Variants in KLRG1 observed in about 807,000 individuals in gnomAD.
KLRG1 encodes killer cell lectin like receptor G1, also known as killer cell lectin-like receptor subfamily G member 1.
KLRG1 carries 16 observed loss-of-function variants against 21.8 expected under a neutral mutation model. The ratio of observed to expected loss-of-function variants is 0.73; its 90% CI spans 0.50 to 1.11. The LOEUF is 1.11. Among genes scored for constraint, KLRG1 ranks in the 50% most tolerant of loss-of-function variants. KLRG1 has a pLI of 0.00. For missense variants in KLRG1, 173 were observed against 218.3 expected (o/e 0.79, Z 1.31); for synonymous variants, 69 against 75.9 (o/e 0.91, Z 0.47).
the KLRG1 span, among the ~76,000 whole-genome samples, chr12:9,071,723 C>T: frequency 1.3e-5 from 2 of 152,248 alleles, no homozygotes; most frequent in East Asian, 1.9e-4. Context: ...GCTAGTTTGC[C>T]AAGGATAATG....
chr12:9,019,521 G>A, the KLRG1 span, among the ~76,000 whole-genome samples: 1 of 152,198 alleles, frequency 6.6e-6, no homozygotes, highest in Non-Finnish European at 1.5e-5. Context: ...AGCAATCTAA[G>A]TGTCAATGAA....
chr12:9,069,922 A>T, the KLRG1 span: 2 of 909,960 alleles, frequency 2.2e-6, no homozygotes, highest in Non-Finnish European at 3.6e-6. Flanking sequence ...AGAATTCTTC[A>T]AATGCTTTTT....
the KLRG1 span, among the ~76,000 whole-genome samples, chr12:9,185,672 G>A: frequency 2.5e-4 from 35 of 142,280 alleles, no homozygotes; most frequent in Admixed American, 6.3e-4. Context: ...AAAAAAAAAT[G>A]TTAAAGGTAG....
chr12:8,965,891 G>C (rs769547024), intron 1 of KLRG1, among the ~76,000 whole-genome samples: 1 of 152,252 alleles, frequency 6.6e-6, no homozygotes, highest in Admixed American at 6.5e-5. Context: ...TCAATCCTAA[G>C]CCAAAAGAAC....
chr12:9,077,934 T>C, the KLRG1 span: 1 of 1,567,624 alleles, frequency 6.4e-7, no homozygotes, highest in African/African-American at 1.4e-5. Context: ...ACAGGCTTCA[T>C]ATGATGTGAG....
chr12:8,954,368 T>C (rs771084014), intron 1 of KLRG1, among the ~76,000 whole-genome samples: 2 of 152,066 alleles, frequency 1.3e-5, no homozygotes, highest in South Asian at 2.1e-4. Context: ...ATAGTTAATA[T>C]TGTATTGTAT....
At chr12:9,194,216 C>T in the KLRG1 span, 2 of 1,613,718 alleles carry the variant, frequency 1.2e-6, no homozygotes, top group African/African-American at 2.7e-5. Flanking sequence ...GATGGGCACA[C>T]CTTTTCCATC....
the KLRG1 span, chr12:9,203,718 T>C: frequency 1.3e-6 from 2 of 1,597,968 alleles, no homozygotes; most frequent in Admixed American, 1.7e-5. Context: ...CCTATAGAGC[T>C]CAATAAAATG....
At chr12:9,152,839 A>G in the KLRG1 span, 1 of 1,614,100 alleles carries the variant, frequency 6.2e-7, no homozygotes, top group Non-Finnish European at 8.5e-7. Context: ...GGTCAGTGAG[A>G]TCTGAAAGCT....
the KLRG1 span, among the ~76,000 whole-genome samples, chr12:9,121,540 G>T: frequency 6.6e-6 from 1 of 152,012 alleles, no homozygotes; most frequent in African/African-American, 2.4e-5. This position sits in a 1 kb window ranked among gnomAD's most constrained non-coding sequence, Gnocchi z 4.4. Context: ...CCTCTGTCTC[G>T]AAACAAACAA....
At chr12:8,975,170 G>C (rs1288419695) in intron 1 of KLRG1, among the ~76,000 whole-genome samples, 2 of 152,056 alleles carry the variant, frequency 1.3e-5, no homozygotes, top group African/African-American at 4.8e-5. Context: ...AAAGTGCTGG[G>C]ATTACAGGTA....
the KLRG1 span, among the ~76,000 whole-genome samples, chr12:9,093,040 G>C: frequency 6.6e-6 from 1 of 152,204 alleles, no homozygotes; most frequent in Admixed American, 6.5e-5. Context: ...GTATGTGGAT[G>C]CTAAAAGAAG....
the KLRG1 span, among the ~76,000 whole-genome samples, chr12:9,068,577 A>G: frequency 6.6e-6 from 1 of 152,206 alleles, no homozygotes; most frequent in Non-Finnish European, 1.5e-5. Flanking sequence ...TGTTTCTATA[A>G]TGTATGTATA....
the KLRG1 span, chr12:9,104,374 G>A: frequency 6.3e-7 from 1 of 1,597,062 alleles, no homozygotes; most frequent in Non-Finnish European, 8.5e-7. Context: ...TTGGTATAGG[G>A]ACGCCTTTCC....
At chr12:9,145,776 A>G in the KLRG1 span, among the ~76,000 whole-genome samples, 1 of 152,168 alleles carries the variant, frequency 6.6e-6, no homozygotes, top group Non-Finnish European at 1.5e-5. Flanking sequence ...GAAAGTCTTT[A>G]TTACTCCTCC....
At chr12:9,090,616 G>A in the KLRG1 span, 2 of 886,956 alleles carry the variant, frequency 2.3e-6, no homozygotes, top group East Asian at 2.7e-5. Flanking sequence ...TGAAGATCAA[G>A]TACCTGAAAT....
chr12:8,964,451 T>G (rs2137229743), intron 1 of KLRG1, among the ~76,000 whole-genome samples: 1 of 152,350 alleles, frequency 6.6e-6, no homozygotes, highest in Admixed American at 6.5e-5. Context: ...GTGCTTTACT[T>G]CCAACTATGT....
chr12:9,033,368 C>T, the KLRG1 span, among the ~76,000 whole-genome samples: 2 of 152,070 alleles, frequency 1.3e-5, no homozygotes, highest in South Asian at 4.2e-4. Flanking sequence ...TCACTTGAGC[C>T]TGGGTGATAG....
chr12:9,005,778 G>T (rs1047234935), intron 3 of KLRG1, among the ~76,000 whole-genome samples: 7 of 152,162 alleles, frequency 4.6e-5, no homozygotes, highest in Admixed American at 4.6e-4. Flanking sequence ...CAGATCATCA[G>T]GCATTAGTTA....
Sources: gnomAD v4.1 joint callset for allele counts (sites outside exome capture counted in the v4.1 genomes callset) on GRCh38, gnomAD v4.1.1 for gene constraint, Gnocchi (gnomAD v3.1) non-coding constraint, MANE v1.5 for transcripts, NCBI Gene and HGNC (gene_info 2026-07-23, HGNC 2026-07-21) for gene names.